PRG4: variants seen among roughly 807,000 people sequenced by gnomAD.
The protein encoded by PRG4 is proteoglycan 4, also known as articular superficial zone protein.
Under a neutral mutation model 91.2 loss-of-function variants are expected in PRG4, and 61 were observed. The observed-to-expected ratio is 0.67, with a 90% CI of 0.54 to 0.83. The LOEUF is 0.83. PRG4 is among the 40% of genes least tolerant of loss of function. The pLI, the probability that PRG4 is intolerant of heterozygous loss-of-function variation, is 0.00. For synonymous variants in PRG4, 576 were observed against 614.2 expected (o/e 0.94, Z 0.92); for missense variants, 1,564 against 1,714.2 (o/e 0.91, Z 1.55).
chr1:186,312,784 A>C lies in PRG4; in HGVS notation c.4007A>C (p.Glu1336Ala). The C allele has an allele frequency of 1.9e-6, 3 of 1,613,066 alleles. No individual in the cohort carries two copies. ...CCACTTACAGGTGTCCTTCATAATG[A>C]AGTTAAAGTGAGTATACTGTGGAGA... Reference protein sequence around the residue: ...AYQDKGVLHNEVKVSILWRGL... With the variant: ...AYQDKGVLHNAVKVSILWRGL... Residue 1336 changes from glutamate to alanine, a missense_variant, in exon 12 of 13, where the codon GAA becomes GCA. By Grantham distance (107) the Glu-to-Ala change is moderately radical (BLOSUM62 -1). This residue lies in a region of PRG4 where 1,079 missense variants were observed against 1,162.2 expected (regional missense o/e 0.93). Coordinates refer to ENST00000445192, the MANE Select transcript of PRG4 (RefSeq NM_005807.6).
rs140988757 is a variant in PRG4 at position 186,307,043 on chromosome 1, A to G, written c.1324A>G (p.Lys442Glu). The G allele has an allele frequency of 6.4e-4, 838 of 1,308,408 alleles. 5 individuals are homozygous for G. The African/African-American group carries it at 0.014, about 22-fold the overall frequency. The allele number at this position is 1,308,408 out of a possible 1,614,324, so 81.0% of individuals were successfully genotyped here. A position where few individuals can be genotyped will look rare whatever the true frequency, so the allele number is the denominator to read the frequency against. Residue 442 changes from lysine (K) to glutamate (E), a missense_variant, in exon 7 of 13, where the codon AAG becomes GAG. Lys to Glu is a moderately conservative substitution (Grantham distance 56). This residue lies in a region of PRG4 where 48 missense variants were observed against 93.0 expected (regional missense o/e 0.52). Transcript: ENST00000445192. ...PKEPAPTTPK[K>E]PAPTTPKEPA... is the part of the protein sequence containing the mutation. The stretch of plus-strand genomic sequence containing the variant: ...GGAGCCTGCACCCACCACCCCCAAG[A>G]AGCCTGCCCCAACTACCCCCAAGGA...
At position 186,304,229 on chromosome 1, in the gene PRG4, A is replaced by C. The variant is rs1466465508; in HGVS notation, c.441A>C (p.Lys147Asn). Residue 147 changes from lysine (K) to asparagine (N), a missense_variant, in exon 5 of 13, where the codon AAA (lysine) becomes AAC (asparagine). By Grantham distance (94) the Lys-to-Asn change is moderately conservative. Coordinates refer to ENST00000445192, the MANE Select transcript of PRG4 (RefSeq NM_005807.6). ...PKPPNKKKTK[K>N]VIESEEITEE... ...CACCAAACAAGAAGAAGACTAAGAA[A>C]GTTATAGAATCAGAGGAAATAACAG... is the stretch of plus-strand genomic sequence containing the variant. 9.9e-6 allele frequency: 16 copies of C among 1,613,636 alleles called. No homozygotes were observed. The highest frequency in any genetic ancestry group is 1.6e-4 in the Middle Eastern group (1 of 6,084).
At chr1:186,297,486 A>G (rs564426879) in intron 2 of PRG4, among the ~76,000 whole-genome samples, 6 of 152,226 alleles carry the variant, frequency 3.9e-5, no homozygotes, top group Non-Finnish European at 8.8e-5. Context: ...AGGTATGGAC[A>G]TATACAGATG....
In PRG4 at chr1:186,308,581, A is replaced by G. The variant is rs528241867; in HGVS notation, c.2862A>G (p.Thr954=). The G allele has an allele frequency of 2.0e-4, 317 of 1,613,672 alleles. 3 individuals are homozygous for G. In the South Asian group the frequency reaches 3.2e-3, roughly 16 times the overall value. Residue 954 remains threonine (T), a synonymous_variant, in exon 7 of 13, where the codon ACA becomes ACG. Transcript: ENST00000445192. ...TTEKTTESKI[T]ATTTQVTSTT... Reference sequence around the variant, plus strand: ...AAAAAACTACCGAATCCAAAATAACAGCTACAACCACACAAGTAACATCTA... The same window carrying G: ...AAAAAACTACCGAATCCAAAATAACGGCTACAACCACACAAGTAACATCTA...
Position 186,314,093 on chromosome 1 carries a change from C to T in PRG4, c.*315C>T. On this transcript the variant is annotated 3_prime_UTR_variant, in exon 13 of 13. Transcript: ENST00000445192. ...AATTCAAAACTAGTGTATTCACTTA[C>T]CCTAGTTCATTATAAAAAATATCTA... 1 of 1,431,650 alleles carries T rather than the reference C, an allele frequency of 7.0e-7. No homozygotes were observed. The allele number at this position is 1,431,650 out of a possible 1,614,324, so 88.7% of individuals were successfully genotyped here.
In PRG4 at chr1:186,311,582, A is replaced by AT. The variant is rs1657240144; in HGVS notation, c.3785dup (p.Lys1263GlnfsTer12). The AT allele has an allele frequency of 6.2e-7, 1 of 1,613,786 alleles. No individual in the cohort carries two copies. The highest frequency in any genetic ancestry group is 1.3e-5 in the African/African-American group (1 of 74,896). On this transcript the variant is annotated frameshift_variant, in exon 10 of 13. Coordinates refer to ENST00000445192, the MANE Select transcript of PRG4 (RefSeq NM_005807.6). LOFTEE classifies it high-confidence loss of function. ...TATAAGAACTGGCCTGAATCTGTGT[A>AT]TTTTTTCAAGAGAGGTATGTGTTAC...
At chr1:186,298,596 T>A (rs971383710) in intron 2 of PRG4, among the ~76,000 whole-genome samples, 3 of 151,966 alleles carry the variant, frequency 2.0e-5, no homozygotes, top group Admixed American at 1.3e-4. Context: ...GTTCAAGCGA[T>A]TCTCCTGTCT....
rs1656929291 is a variant in PRG4 at position 186,308,649 on chromosome 1, A to G, written c.2930A>G (p.Lys977Arg). 1 of 1,612,214 alleles carries G rather than the reference A, an allele frequency of 6.2e-7. No homozygotes were observed. The change falls in exon 7 of 13, where the codon AAA becomes AGA. Residue 977 changes from lysine (K) to arginine (R), a missense_variant. Transcript: ENST00000445192. ...DTTPFKITTLKTTTLAPKVTT... is the reference protein window; with the variant it reads ...DTTPFKITTLRTTTLAPKVTT... ...ACACCATTCAAAATTACTACTCTTA[A>G]AACAACTACTCTTGCACCCAAAGTA...
Position 186,304,166 on chromosome 1 carries a change from T to G in PRG4, c.378T>G (p.Ser126=). 6.2e-7 allele frequency: 1 copy of G among 1,613,868 alleles called. No individual in the cohort carries two copies. Among genetic ancestry groups the G allele is most frequent in the Non-Finnish European group, 8.5e-7 (1 of 1,179,792 alleles). The change falls in exon 5 of 13, where the codon TCT becomes TCG. Residue 126 remains serine (S), a synonymous_variant. Coordinates refer to ENST00000445192, the MANE Select transcript of PRG4 (RefSeq NM_005807.6). The stretch of plus-strand genomic sequence containing the variant: ...AAGCACCTCCACCTTCAGGAGCATC[T>G]CAAACCATCAAATCAACAACCAAAC... ...SKKAPPPSGA[S]QTIKSTTKRS...
intron 3 of PRG4, among the ~76,000 whole-genome samples, chr1:186,300,742 C>A (rs1571551985): frequency 6.6e-6 from 1 of 152,144 alleles, no homozygotes; most frequent in East Asian, 1.9e-4. Context: ...TGATGAATTT[C>A]AGTTAAAATC....
rs1657527299 is a variant in PRG4 at position 186,314,511 on chromosome 1, A to G, written c.*733A>G. The stretch of plus-strand genomic sequence containing the variant: ...AATATCACCTGCTCAACATGTAATT[A>G]TTTAATAAAACTTTGGAACATTAAA... On this transcript the variant is annotated 3_prime_UTR_variant, in exon 13 of 13. Transcript: ENST00000445192. The G allele has an allele frequency of 4.3e-6, 3 of 692,578 alleles. No homozygotes were observed. The highest frequency in any genetic ancestry group is 6.7e-6 in the Non-Finnish European group (3 of 445,320). The allele number at this position is 692,578 out of a possible 1,614,324, so 42.9% of individuals were successfully genotyped here.
In PRG4 at chr1:186,307,243, C is replaced by T; in HGVS notation, c.1524C>T (p.Pro508=). The T allele has an allele frequency of 6.3e-7, 1 of 1,584,794 alleles. No homozygotes were observed. The highest frequency in any genetic ancestry group is 8.6e-7 in the Non-Finnish European group (1 of 1,168,004). The change falls in exon 7 of 13, where the codon CCC becomes CCT. Residue 508 remains proline, a synonymous_variant. Coordinates refer to ENST00000445192, the MANE Select transcript of PRG4 (RefSeq NM_005807.6). Reference sequence around the variant, plus strand: ...CCACCACTCCCAAGGAGCCTGCACCCACCACCACCAAGGAGCCTTCACCCA... The same window carrying T: ...CCACCACTCCCAAGGAGCCTGCACCTACCACCACCAAGGAGCCTTCACCCA... ...PAPTTPKEPA[P]TTTKEPSPTT... is the part of the protein sequence containing the mutation.
Position 186,304,076 on chromosome 1 carries a change from G to C in PRG4, c.320-32G>C, listed in dbSNP as rs1431968506. 2.5e-6 allele frequency: 4 copies of C among 1,611,194 alleles called. No homozygotes were observed. In the African/African-American group the frequency reaches 5.3e-5, roughly 22 times the overall value. On this transcript the variant is annotated intron_variant, in intron 4 of 12. Coordinates refer to ENST00000445192, the MANE Select transcript of PRG4 (RefSeq NM_005807.6). ...TAGAGCTGCTGATGAACATAAACAA[G>C]ATGTTAACTGACTTGTCTTACTTGG...
chr1:186,312,596 C>A, intron 11 of PRG4, 173 bp from the exon 12 acceptor site: 1 of 788,838 alleles, frequency 1.3e-6, no homozygotes, highest in Non-Finnish European at 2.0e-6. Flanking sequence ...TTAGTTATAA[C>A]CAATACTATT....
At chr1:186,310,993 A>C in intron 8 of PRG4, 41 bp from the exon 9 acceptor site, 2 of 1,612,092 alleles carry the variant, frequency 1.2e-6, no homozygotes, top group Non-Finnish European at 1.7e-6. Flanking sequence ...TGATAGGTTT[A>C]GCATTCAGCT....
chr1:186,309,058 G>GTAAC lies in PRG4; in HGVS notation c.3340_3341insAACT (p.Phe1114Ter). On this transcript the variant is annotated stop_gained and frameshift_variant, in exon 7 of 13. Transcript: ENST00000445192. LOFTEE classifies it high-confidence loss of function. ...CTCATATGCTTCTCAGGCCCCATGT[G>GTAAC]TTCATGCCTGAAGTTACTCCCGACA... 6.2e-7 allele frequency: 1 copy of GTAAC among 1,613,870 alleles called. No homozygotes were observed.
At chr1:186,304,331 C>A in intron 5 of PRG4, 74 bp downstream of exon 5, 1 of 1,484,074 alleles carries the variant, frequency 6.7e-7, no homozygotes. Context: ...TTATCTAAGC[C>A]CATTCTCAGA....
intron 7 of PRG4, 40 bp downstream of exon 7, chr1:186,309,180 TGTTA>T: frequency 6.4e-7 from 1 of 1,569,026 alleles, no homozygotes; most frequent in Non-Finnish European, 8.7e-7. Context: ...AAGCTGGTAA[TGTTA>T]GTTTACATCT....
chr1:186,306,648 C>T lies in PRG4; in HGVS notation c.929C>T (p.Thr310Ile). The T allele has an allele frequency of 6.2e-7, 1 of 1,613,616 alleles. No individual in the cohort carries two copies. Among genetic ancestry groups the T allele is most frequent in the Non-Finnish European group, 8.5e-7 (1 of 1,179,686 alleles). The change falls in exon 7 of 13, where the codon ACA (threonine) becomes ATA (isoleucine). Residue 310 changes from threonine (T) to isoleucine (I), a missense_variant. Thr to Ile is a moderately conservative substitution (Grantham distance 89). Coordinates refer to ENST00000445192, the MANE Select transcript of PRG4 (RefSeq NM_005807.6). ...GKEKTTSAKE[T>I]QSIEKTSAKD... ...GAGAAGACTACTTCCGCTAAAGAGA[C>T]ACAAAGTATAGAGAAAACATCTGCT...
Sources: allele counts gnomAD v4.1 joint callset (sites outside exome capture counted in the v4.1 genomes callset), GRCh38; gene constraint gnomAD v4.1.1; regional missense constraint gnomAD v4.1.1; transcripts MANE v1.5; gene names NCBI Gene and HGNC (gene_info 2026-07-23, HGNC 2026-07-21).